Variants in NEDD4L observed in about 807,000 individuals in gnomAD.
NEDD4L encodes the protein NEDD4 like E3 ubiquitin protein ligase, also known as E3 ubiquitin-protein ligase NEDD4-like.
Under a neutral mutation model 148.9 loss-of-function variants are expected in NEDD4L, and 54 were observed. The observed-to-expected ratio is 0.36, with a 90% CI of 0.29 to 0.45. NEDD4L has a LOEUF of 0.45. NEDD4L is among the 20% of genes least tolerant of loss of function. The pLI is 1.00. For synonymous variants in NEDD4L, 433 were observed against 440.7 expected (o/e 0.98, Z 0.22); for missense variants, 856 against 1,233.8 (o/e 0.69, Z 4.59).
At chr18:58,341,642 T>A (rs750796047) in intron 14 of NEDD4L, 36 bp from the exon 15 acceptor site, 1 of 1,595,160 alleles carries the variant, frequency 6.3e-7, no homozygotes. Context: ...CGGGAGATCC[T>A]CCTATGAAGC....
intron 1 of NEDD4L, among the ~76,000 whole-genome samples, chr18:58,108,442 G>A (rs2085213334): frequency 6.6e-6 from 1 of 151,942 alleles, no homozygotes; most frequent in Non-Finnish European, 1.5e-5. Flanking sequence ...TATTTTTTGA[G>A]ACAAGTTTCA....
intron 5 of NEDD4L, among the ~76,000 whole-genome samples, chr18:58,283,021 T>C (rs1326364481): frequency 6.6e-6 from 1 of 152,152 alleles, no homozygotes; most frequent in African/African-American, 2.4e-5. Context: ...CTGCCATAGG[T>C]GAAAGGAACG....
In NEDD4L at chr18:58,044,387, G is replaced by T; in HGVS notation, c.-274G>T. On this transcript the variant is annotated 5_prime_UTR_variant, in exon 1 of 31. Transcript: ENST00000400345. ...GGTCTGCGCCGCCGCCGCGCGCAGT[G>T]AGAGGCGCCGGGGCTGCCGCCCGGT... 4.6e-6 allele frequency: 1 copy of T among 216,876 alleles called. No homozygotes were observed. The highest frequency in any genetic ancestry group is 8.9e-6 in the Non-Finnish European group (1 of 112,248). The allele number at this position is 216,876 out of a possible 1,614,324, so 13.4% of individuals were successfully genotyped here.
rs141270253 is a variant in NEDD4L at position 58,213,757 on chromosome 18, G to GT, written c.123-31660dup. Among the ~76,000 whole-genome samples, 202 of 148,828 alleles carry GT rather than the reference G, an allele frequency of 1.4e-3. 1 individual carries two copies. Among genetic ancestry groups the GT allele is most frequent in the African/African-American group, 3.7e-3 (150 of 40,702 alleles). ...TCTTGATTTGGTTTTTGTTGTTGTT[G>GT]TTTTTTTTTTAATTCTAGTCTGTTC... On this transcript the variant is annotated intron_variant, in intron 2 of 30. Transcript: ENST00000400345.
intron 5 of NEDD4L, among the ~76,000 whole-genome samples, chr18:58,312,097 A>G (rs969189783): frequency 1.8e-4 from 28 of 152,190 alleles, no homozygotes; most frequent in African/African-American, 6.3e-4. Context: ...AACTTTTCCA[A>G]TATCGGAATA....
intron 1 of NEDD4L, among the ~76,000 whole-genome samples, chr18:58,113,740 G>A (rs2085564307): frequency 6.6e-6 from 1 of 151,490 alleles, no homozygotes; most frequent in Non-Finnish European, 1.5e-5. Context: ...TAGCAGAGGG[G>A]AGGCATTATC....
chr18:58,130,788 G>A (rs552650039), intron 1 of NEDD4L, among the ~76,000 whole-genome samples: 1 of 145,454 alleles, frequency 6.9e-6, no homozygotes, highest in East Asian at 2.1e-4. Context: ...GTTGGGCTCT[G>A]GATTTGGTTG....
intron 5 of NEDD4L, among the ~76,000 whole-genome samples, chr18:58,287,741 A>T (rs1427532825): frequency 1.3e-5 from 2 of 152,088 alleles, no homozygotes; most frequent in Non-Finnish European, 2.9e-5. Context: ...CAATGGAATC[A>T]TTGTGTTGTG....
intron 1 of NEDD4L, among the ~76,000 whole-genome samples, chr18:58,101,207 A>G (rs1420127165): frequency 1.9e-4 from 29 of 152,228 alleles, no homozygotes; most frequent in Admixed American, 1.9e-3. Context: ...AAATTTCAGT[A>G]GTCATCTGAT....
At chr18:58,074,022 C>A (rs746848498) in intron 1 of NEDD4L, among the ~76,000 whole-genome samples, 1 of 152,154 alleles carries the variant, frequency 6.6e-6, no homozygotes, top group Non-Finnish European at 1.5e-5. Context: ...TTTTCCCTGT[C>A]CACTGGACTG....
intron 1 of NEDD4L, among the ~76,000 whole-genome samples, chr18:58,143,826 G>A (rs878396): frequency 0.25 from 37,865 of 152,014 alleles, 4,728 homozygotes; most frequent in African/African-American, 0.27. Flanking sequence ...GCCAGCAATA[G>A]GGTTTTACAG....
At chr18:58,306,836 G>A (rs553983855) in intron 5 of NEDD4L, among the ~76,000 whole-genome samples, 2 of 152,112 alleles carry the variant, frequency 1.3e-5, no homozygotes, top group Non-Finnish European at 2.9e-5. Flanking sequence ...GTTTCACCAT[G>A]TTGGCCAGGC....
intron 5 of NEDD4L, among the ~76,000 whole-genome samples, chr18:58,300,334 A>G (rs1015467271): frequency 6.6e-6 from 1 of 152,228 alleles, no homozygotes; most frequent in Non-Finnish European, 1.5e-5. Flanking sequence ...TACCACCCCA[A>G]GCTTAAATGG....
intron 1 of NEDD4L, among the ~76,000 whole-genome samples, chr18:58,051,621 A>T (rs2081875364): frequency 6.6e-6 from 1 of 152,214 alleles, no homozygotes; most frequent in African/African-American, 2.4e-5. Context: ...AACAGATTTT[A>T]TTGTTGCCCT....
rs1279124573 is a variant in NEDD4L, at chr18:58,252,066, C to G, written c.297+12C>G. The G allele has an allele frequency of 1.3e-6, 2 of 1,563,116 alleles. No homozygotes were observed. The highest frequency in any genetic ancestry group is 1.8e-6 in the Non-Finnish European group (2 of 1,134,008). ...ACGAAAATAGACTGGTAAGTGGATG[C>G]CTGTATTTGAATTTTGCTTCATTTT... On this transcript the variant is annotated intron_variant, in intron 5 of 30. Coordinates refer to ENST00000400345, the MANE Select transcript of NEDD4L (RefSeq NM_001144967.3).
intron 2 of NEDD4L, among the ~76,000 whole-genome samples, chr18:58,217,495 C>T (rs1391263767): frequency 6.6e-6 from 1 of 152,078 alleles, no homozygotes; most frequent in Non-Finnish European, 1.5e-5. Context: ...TTTTATGGGG[C>T]TAGGGTCTCG....
intron 1 of NEDD4L, among the ~76,000 whole-genome samples, chr18:58,088,461 GTCTTAT>G (rs2083882714): frequency 6.6e-6 from 1 of 152,172 alleles, no homozygotes; most frequent in African/African-American, 2.4e-5. Context: ...TCCATCCAGT[GTCTTAT>G]TCTTATGTTA....
intron 3 of NEDD4L, among the ~76,000 whole-genome samples, chr18:58,247,942 C>T (rs778441712): frequency 6.6e-6 from 1 of 152,118 alleles, no homozygotes; most frequent in Non-Finnish European, 1.5e-5. Flanking sequence ...TTTTTGAAAA[C>T]GCCGGTTCAG....
intron 5 of NEDD4L, among the ~76,000 whole-genome samples, chr18:58,286,888 G>A (rs1234881310): frequency 1.3e-5 from 2 of 152,196 alleles, no homozygotes; most frequent in Non-Finnish European, 2.9e-5. Context: ...TGATTTGAGA[G>A]TCATCTATGG....
Sources: gnomAD v4.1 joint callset for allele counts (sites outside exome capture counted in the v4.1 genomes callset) on GRCh38, gnomAD v4.1.1 for gene constraint, MANE v1.5 for transcripts, NCBI Gene and HGNC (gene_info 2026-07-23, HGNC 2026-07-21) for gene names.